The following CACHD1 variants were observed in gnomAD, a reference collection of about 807,000 sequenced individuals.
The protein encoded by CACHD1 is VWFA and cache domain-containing protein 1.
Under a neutral mutation model 138.7 loss-of-function variants are expected in CACHD1, and 71 were observed. That is an observed-to-expected ratio of 0.51 (90% CI 0.42 to 0.62). The LOEUF (loss-of-function observed/expected upper bound fraction) is 0.62. Ranked by LOEUF, CACHD1 falls within the 20% of genes least tolerant of loss-of-function variation. CACHD1 has a pLI of 0.00. For missense variants in CACHD1, 1,389 were observed against 1,625.3 expected, an observed-to-expected ratio of 0.85 and a Z score of 2.50; for synonymous variants, 578 against 591.5, an observed-to-expected ratio of 0.98 and a Z score of 0.33.
chr1:64,665,181 T>C (rs1649589265), intron 15 of CACHD1, among the ~76,000 whole-genome samples: 2 of 151,948 alleles, frequency 1.3e-5, no homozygotes, highest in South Asian at 4.2e-4. Context: ...ACCTAGCCTC[T>C]AAAACATCTC....
intron 2 of CACHD1, among the ~76,000 whole-genome samples, chr1:64,577,201 C>T (rs1183796088): frequency 6.6e-6 from 1 of 152,154 alleles, no homozygotes; most frequent in Non-Finnish European, 1.5e-5. Flanking sequence ...CTGCCTCAGC[C>T]TCCCAAAGTG....
intron 17 of CACHD1, among the ~76,000 whole-genome samples, chr1:64,672,144 A>C (rs1460809757): frequency 6.6e-6 from 1 of 152,246 alleles, no homozygotes; most frequent in Non-Finnish European, 1.5e-5. Context: ...GAATTTCAAA[A>C]GAACTTGTCT....
chr1:64,567,188 T>C (rs570958313), intron 2 of CACHD1, among the ~76,000 whole-genome samples: 1 of 152,324 alleles, frequency 6.6e-6, no homozygotes, highest in African/African-American at 2.4e-5. Context: ...ACTTATTCTA[T>C]ACTTGGCATT....
At position 64,639,013 on chromosome 1, in the gene CACHD1, A is replaced by G. The variant is rs369978765; in HGVS notation, c.1007-2807A>G. Among the ~76,000 whole-genome samples the G allele has an allele frequency of 6.6e-5, 10 of 152,352 alleles. No individual in the cohort carries two copies. The South Asian group carries it at 2.1e-3, about 32-fold the overall frequency. On this transcript the variant is annotated intron_variant, in intron 7 of 26. Transcript: ENST00000651257. The stretch of plus-strand genomic sequence containing the variant: ...AGAAAATGTGCTTGGCTACCAAAGC[A>G]GCTCAAGGGCTGCTAGCTTTCTGGC...
intron 7 of CACHD1, among the ~76,000 whole-genome samples, chr1:64,636,966 C>G (rs764216411): frequency 6.6e-6 from 1 of 152,138 alleles, no homozygotes; most frequent in Non-Finnish European, 1.5e-5. Flanking sequence ...ATTTGGCCTA[C>G]CAGCTTTGGC....
intron 1 of CACHD1, among the ~76,000 whole-genome samples, chr1:64,531,189 A>G (rs1646582426): frequency 1.3e-5 from 2 of 152,190 alleles, no homozygotes. Flanking sequence ...CTGCCTGCCC[A>G]AAACCCTTTA....
intron 3 of CACHD1, 106 bp from the exon 4 acceptor site, chr1:64,602,700 T>C (rs1460342390): frequency 2.8e-6 from 2 of 724,994 alleles, no homozygotes; most frequent in Non-Finnish European, 4.9e-6. Context: ...ATCATAGTTG[T>C]ACTGTTTACG....
intron 1 of CACHD1, among the ~76,000 whole-genome samples, chr1:64,525,021 A>G (rs1646526029): frequency 6.6e-6 from 1 of 152,178 alleles, no homozygotes; most frequent in Non-Finnish European, 1.5e-5. Flanking sequence ...GAAGAGCCTT[A>G]ACTATTTCTT....
At chr1:64,498,766 GTCTAC>G (rs1570307000) in intron 1 of CACHD1, among the ~76,000 whole-genome samples, 2 of 152,204 alleles carry the variant, frequency 1.3e-5, no homozygotes, top group South Asian at 4.1e-4. Context: ...CAACTCAGTT[GTCTAC>G]TCTGTCTCCT....
At chr1:64,642,733 T>C (rs190274837) in intron 8 of CACHD1, among the ~76,000 whole-genome samples, 37 of 151,886 alleles carry the variant, frequency 2.4e-4, no homozygotes, top group Non-Finnish European at 4.1e-4. Flanking sequence ...AAAGTGGCCA[T>C]CTTCTCTTGT....
chr1:64,500,755 A>G (rs1358093158), intron 1 of CACHD1, among the ~76,000 whole-genome samples: 1 of 146,530 alleles, frequency 6.8e-6, no homozygotes. Context: ...AGAGAGAGAG[A>G]GAGAGAGAGA....
intron 3 of CACHD1, among the ~76,000 whole-genome samples, chr1:64,593,886 T>G (rs2100560751): frequency 6.6e-6 from 1 of 152,354 alleles, no homozygotes; most frequent in East Asian, 1.9e-4. Context: ...TTACATTACA[T>G]TCTTCATATG....
chr1:64,495,540 C>T (rs1257513593), intron 1 of CACHD1, among the ~76,000 whole-genome samples: 1 of 152,094 alleles, frequency 6.6e-6, no homozygotes, highest in Non-Finnish European at 1.5e-5. Flanking sequence ...AGGGTATGTC[C>T]CCAATGTACT....
intron 1 of CACHD1, among the ~76,000 whole-genome samples, chr1:64,506,956 CT>C (rs1385580441): frequency 1.3e-5 from 2 of 152,146 alleles, no homozygotes; most frequent in African/African-American, 4.8e-5. Flanking sequence ...GCTGAATTTG[CT>C]TTTCAGTTGT....
At chr1:64,591,824 G>T (rs1647108862) in intron 3 of CACHD1, among the ~76,000 whole-genome samples, 1 of 152,172 alleles carries the variant, frequency 6.6e-6, no homozygotes, top group Non-Finnish European at 1.5e-5. Flanking sequence ...GGGTAACTGA[G>T]AGTGATGGTA....
chr1:64,532,054 G>T (rs1361873153), intron 1 of CACHD1, among the ~76,000 whole-genome samples: 1 of 152,200 alleles, frequency 6.6e-6, no homozygotes, highest in Non-Finnish European at 1.5e-5. Flanking sequence ...CTTTTGTAAA[G>T]TGTTAGAATA....
chr1:64,544,989 T>C (rs1466499893), intron 1 of CACHD1, among the ~76,000 whole-genome samples: 3 of 152,194 alleles, frequency 2.0e-5, no homozygotes, highest in Non-Finnish European at 2.9e-5. Context: ...GGAGACCTTA[T>C]CTGTGAATTG....
chr1:64,494,447 C>T (rs555101141), intron 1 of CACHD1, among the ~76,000 whole-genome samples: 2 of 152,268 alleles, frequency 1.3e-5, no homozygotes, highest in Admixed American at 6.5e-5. Context: ...TTGTCACGGA[C>T]GAGATTTATT....
chr1:64,628,539 C>T (rs575356754), intron 4 of CACHD1, among the ~76,000 whole-genome samples: 47 of 152,222 alleles, frequency 3.1e-4, no homozygotes, highest in Admixed American at 1.1e-3. Flanking sequence ...GACAGGATTG[C>T]ACACAACAAG....
Sources: allele counts gnomAD v4.1 joint callset (sites outside exome capture counted in the v4.1 genomes callset), GRCh38; gene constraint gnomAD v4.1.1; transcripts MANE v1.5; gene names NCBI Gene and HGNC (gene_info 2026-07-23, HGNC 2026-07-21).